ADK: variants seen among roughly 807,000 people sequenced by gnomAD.
ADK encodes the protein N6,N6-dimethyladenosine kinase.
Under a neutral mutation model 44.7 loss-of-function variants are expected in ADK, and 24 were observed. That is an observed-to-expected ratio of 0.54 (90% confidence interval 0.39 to 0.76). The LOEUF (loss-of-function observed/expected upper bound fraction) is 0.76, where lower values mean the gene tolerates loss of function less well. Ranked by LOEUF, ADK falls within the 30% of genes least tolerant of loss-of-function variation. The pLI, the probability that ADK is intolerant of heterozygous loss-of-function variation, is 0.00. For missense variants in ADK, 321 were observed against 425.1 expected, an observed-to-expected ratio of 0.76 and a Z score of 2.15; for synonymous variants, 128 against 142.6, an observed-to-expected ratio of 0.90 and a Z score of 0.73.
At chr10:74,564,487 T>C (rs1213418698) in intron 7 of ADK, among the ~76,000 whole-genome samples, 2 of 152,220 alleles carry the variant, frequency 1.3e-5, no homozygotes, top group African/African-American at 2.4e-5. Flanking sequence ...GAATTTTCTT[T>C]CAAGGTCCAA....
At chr10:74,213,345 C>A (rs1208627650) in intron 2 of ADK, among the ~76,000 whole-genome samples, 2 of 152,154 alleles carry the variant, frequency 1.3e-5, no homozygotes, top group Non-Finnish European at 2.9e-5. Context: ...ATCCTCTGAC[C>A]TCATTCTCTC....
rs562953256 is a variant in ADK at position 74,237,293 on chromosome 10, C to CT, written c.194+12709dup. Among the ~76,000 whole-genome samples the CT allele has an allele frequency of 6.4e-4, 97 of 152,302 alleles. 1 individual carries two copies. The South Asian group carries it at 0.019, about 30-fold the overall frequency. ...GAGTACATTCCATCTTAGGAAACCA[C>CT]TTTTTTTGCTCATCTATAAGAAGCA... On this transcript the variant is annotated intron_variant, in intron 3 of 10. Coordinates refer to ENST00000539909, the MANE Select transcript of ADK (RefSeq NM_006721.4).
chr10:74,504,907 C>G (rs1157939147), intron 6 of ADK, among the ~76,000 whole-genome samples: 2 of 152,166 alleles, frequency 1.3e-5, no homozygotes, highest in Non-Finnish European at 2.9e-5. Flanking sequence ...AACCTCTTTT[C>G]TTTATAAATT....
At chr10:74,155,817 C>T (rs1317948976) in intron 1 of ADK, among the ~76,000 whole-genome samples, 1 of 152,190 alleles carries the variant, frequency 6.6e-6, no homozygotes, top group Non-Finnish European at 1.5e-5. Context: ...CAGGGGTGAG[C>T]CACCGTGCCC....
intron 2 of ADK, among the ~76,000 whole-genome samples, chr10:74,202,959 G>A (rs1843451631): frequency 6.6e-6 from 1 of 152,124 alleles, no homozygotes; most frequent in South Asian, 2.1e-4. Context: ...AAATTTTGAT[G>A]ATGTCCATTT....
intron 3 of ADK, among the ~76,000 whole-genome samples, chr10:74,244,609 T>A (rs576188470): frequency 6.6e-6 from 1 of 152,326 alleles, no homozygotes; most frequent in African/African-American, 2.4e-5. Context: ...TTATTAGATA[T>A]GTGTTACCAA....
At chr10:74,271,336 T>C (rs1300633582) in intron 3 of ADK, among the ~76,000 whole-genome samples, 1 of 152,156 alleles carries the variant, frequency 6.6e-6, no homozygotes, top group Non-Finnish European at 1.5e-5. Flanking sequence ...TTTACATTTT[T>C]ATGCTTAGGG....
chr10:74,653,774 A>G (rs1488001242), intron 9 of ADK, among the ~76,000 whole-genome samples: 2 of 152,206 alleles, frequency 1.3e-5, no homozygotes, highest in African/African-American at 4.8e-5. Flanking sequence ...CTGTGAATCC[A>G]GTTTAGTTTA....
At chr10:74,677,494 A>G (rs2134220025) in intron 10 of ADK, among the ~76,000 whole-genome samples, 1 of 152,294 alleles carries the variant, frequency 6.6e-6, no homozygotes, top group East Asian at 1.9e-4. Context: ...TCATTGTGCT[A>G]TGCATAGAAG....
rs142077679 is a variant in ADK, at chr10:74,217,078, C to T, written c.141-7460C>T. Among the ~76,000 whole-genome samples, 7 of 152,320 alleles carry T rather than the reference C, an allele frequency of 4.6e-5. No individual in the cohort carries two copies. The East Asian group carries it at 5.8e-4, about 13-fold the overall frequency. On this transcript the variant is annotated intron_variant, in intron 2 of 10. Transcript: ENST00000539909. The stretch of plus-strand genomic sequence containing the variant: ...AAGCAGGGCGAGGCATTGCCTCACT[C>T]GGGAAGCACAAGGGGTCAGGGAGTT...
intron 1 of ADK, among the ~76,000 whole-genome samples, chr10:74,164,009 T>C (rs1841970620): frequency 6.6e-6 from 1 of 152,236 alleles, no homozygotes; most frequent in Non-Finnish European, 1.5e-5. Flanking sequence ...TGCAGATTTA[T>C]GCTGTTGTCT....
chr10:74,391,804 T>C (rs1040710997), intron 4 of ADK, among the ~76,000 whole-genome samples: 2 of 152,038 alleles, frequency 1.3e-5, no homozygotes, highest in Non-Finnish European at 2.9e-5. Flanking sequence ...CTCTAGAAAT[T>C]TTTCATCTTG....
intron 7 of ADK, among the ~76,000 whole-genome samples, chr10:74,550,199 T>G (rs2133775290): frequency 6.6e-6 from 1 of 152,026 alleles, no homozygotes; most frequent in South Asian, 2.1e-4. Flanking sequence ...GCCTCCCAAG[T>G]AGCTGGGATC....
At chr10:74,490,813 T>G (rs1372543225) in intron 6 of ADK, among the ~76,000 whole-genome samples, 1 of 152,126 alleles carries the variant, frequency 6.6e-6, no homozygotes, top group Non-Finnish European at 1.5e-5. Flanking sequence ...CTTCCTCTAG[T>G]TTGAAAATTG....
intron 1 of ADK, among the ~76,000 whole-genome samples, chr10:74,153,919 T>C (rs375231945): frequency 2.0e-5 from 3 of 152,310 alleles, no homozygotes; most frequent in East Asian, 3.9e-4. Flanking sequence ...TACATGCTAT[T>C]TTAGACATGG....
At chr10:74,337,772 T>C (rs1841455749) in intron 4 of ADK, among the ~76,000 whole-genome samples, 1 of 151,626 alleles carries the variant, frequency 6.6e-6, no homozygotes, top group Non-Finnish European at 1.5e-5. Context: ...TTTTTTTTTT[T>C]TTTTTTTGAG....
At chr10:74,403,135 G>A (rs552457840) in intron 6 of ADK, among the ~76,000 whole-genome samples, 3 of 152,264 alleles carry the variant, frequency 2.0e-5, no homozygotes, top group Admixed American at 2.0e-4. Flanking sequence ...CCAGTTGTAT[G>A]AGGTGTCTGT....
intron 8 of ADK, among the ~76,000 whole-genome samples, chr10:74,597,734 G>T (rs1289142610): frequency 2.0e-5 from 3 of 152,122 alleles, no homozygotes; most frequent in Non-Finnish European, 2.9e-5. Context: ...TGCTGGTGAT[G>T]CTAAACCTTT....
At chr10:74,643,777 ATATT>A (rs1273716716) in intron 9 of ADK, among the ~76,000 whole-genome samples, 1 of 152,178 alleles carries the variant, frequency 6.6e-6, no homozygotes. Context: ...TTGGCACACT[ATATT>A]TATCTTCATC....
Sources: gnomAD v4.1 joint callset for allele counts (sites outside exome capture counted in the v4.1 genomes callset) on GRCh38, gnomAD v4.1.1 for gene constraint, MANE v1.5 for transcripts, NCBI Gene and HGNC (gene_info 2026-07-23, HGNC 2026-07-21) for gene names.